Variants in LDLRAD3 observed in about 807,000 individuals in gnomAD.
LDLRAD3 encodes the protein low-density lipoprotein receptor class A domain-containing protein 3.
LDLRAD3 carries 20 observed loss-of-function variants against 29.4 expected under a neutral mutation model. That is an observed-to-expected ratio of 0.68 (90% CI 0.48 to 0.99). The LOEUF is 0.99. Among genes scored for constraint, LDLRAD3 ranks in the 50% least tolerant of loss-of-function variants. LDLRAD3 has a pLI of 0.00. For missense variants in LDLRAD3, 420 were observed against 454.3 expected (o/e 0.92, Z 0.69); for synonymous variants, 157 against 192.7 (o/e 0.81, Z 1.53).
intron 3 of LDLRAD3, among the ~76,000 whole-genome samples, chr11:36,088,578 T>C (rs1400241113): frequency 6.6e-6 from 1 of 152,180 alleles, no homozygotes; most frequent in Admixed American, 6.5e-5. Flanking sequence ...CTGGCATATT[T>C]CTGTAGCTCT....
chr11:36,050,206 A>G (rs1223745417), intron 2 of LDLRAD3, among the ~76,000 whole-genome samples: 3 of 152,192 alleles, frequency 2.0e-5, no homozygotes, highest in Non-Finnish European at 4.4e-5. Flanking sequence ...GTTTTCCCTC[A>G]GCTGTTTTGA....
intron 4 of LDLRAD3, among the ~76,000 whole-genome samples, chr11:36,108,138 A>G: frequency 6.6e-6 from 1 of 151,868 alleles, no homozygotes; most frequent in East Asian, 1.9e-4. Flanking sequence ...AACACAGTGA[A>G]ACCCCGTCTC....
chr11:35,944,062 A>G lies in LDLRAD3; in HGVS notation c.-37A>G, dbSNP rs1171251910. The G allele has an allele frequency of 7.4e-6, 8 of 1,074,872 alleles. No individual in the cohort carries two copies. Among genetic ancestry groups the G allele is most frequent in the South Asian group, 8.7e-5 (2 of 22,940 alleles). The allele number at this position is 1,074,872 out of a possible 1,614,324, so 66.6% of individuals were successfully genotyped here. Reference sequence around the variant, plus strand: ...GGGTCAGCGCCGAGGCCGCGGGGGCAGCAACGACGCCGGGCAGCGGGAGCG... The same window carrying G: ...GGGTCAGCGCCGAGGCCGCGGGGGCGGCAACGACGCCGGGCAGCGGGAGCG... On this transcript the variant is annotated 5_prime_UTR_variant, in exon 1 of 6. Transcript: ENST00000315571. This position sits in a 1 kb window ranked among gnomAD's most constrained non-coding sequence, Gnocchi z 4.9.
At chr11:36,215,258 A>C (rs935376723) in intron 4 of LDLRAD3, among the ~76,000 whole-genome samples, 5 of 152,118 alleles carry the variant, frequency 3.3e-5, no homozygotes, top group African/African-American at 1.2e-4. Flanking sequence ...AACGGGGATG[A>C]GATTATTCAG....
At position 36,200,363 on chromosome 11, in the gene LDLRAD3, G is replaced by A. The variant is rs143679705; in HGVS notation, c.455-26722G>A. 4.8e-3 allele frequency among the ~76,000 whole-genome samples: 727 copies of A among 152,148 alleles called. 10 individuals are homozygous for A. The highest frequency in any genetic ancestry group is 0.017 in the African/African-American group (702 of 41,506). On this transcript the variant is annotated intron_variant, in intron 4 of 5. Transcript: ENST00000315571. ...TCCGGTGTTCCCTCTTCACTGGGGC[G>A]CTAATCCTAGCATGGGGGTCCCACT...
intron 1 of LDLRAD3, among the ~76,000 whole-genome samples, chr11:35,966,237 C>T (rs1353890650): frequency 6.6e-6 from 1 of 152,042 alleles, no homozygotes; most frequent in East Asian, 1.9e-4. Context: ...CCAGCCTGGC[C>T]AATATGGTGA....
At chr11:36,113,349 G>C (rs369015747) in intron 4 of LDLRAD3, among the ~76,000 whole-genome samples, 36 of 152,120 alleles carry the variant, frequency 2.4e-4, no homozygotes, top group African/African-American at 8.0e-4. Context: ...GGAGCTCTCC[G>C]CTCCTCAGGA....
chr11:36,139,787 G>C (rs925538546), intron 4 of LDLRAD3, among the ~76,000 whole-genome samples: 2 of 152,276 alleles, frequency 1.3e-5, no homozygotes, highest in East Asian at 1.9e-4. Context: ...AAGGGATAGC[G>C]TGGGAGTGCC....
chr11:35,961,378 T>C (rs535816442), intron 1 of LDLRAD3, among the ~76,000 whole-genome samples: 2 of 152,334 alleles, frequency 1.3e-5, no homozygotes, highest in African/African-American at 2.4e-5. Flanking sequence ...TGAGGTCAGA[T>C]CCTGGCTGCG....
intron 2 of LDLRAD3, among the ~76,000 whole-genome samples, chr11:36,065,333 T>C (rs938804778): frequency 6.6e-6 from 1 of 152,230 alleles, no homozygotes; most frequent in African/African-American, 2.4e-5. Flanking sequence ...TAGCCACTTA[T>C]ACTCTCCTGA....
At chr11:35,993,935 C>T (rs186146461) in intron 1 of LDLRAD3, among the ~76,000 whole-genome samples, 2 of 152,212 alleles carry the variant, frequency 1.3e-5, no homozygotes, top group Non-Finnish European at 2.9e-5. Flanking sequence ...CCAGGAAGGA[C>T]GTTTTCCCAC....
intron 1 of LDLRAD3, among the ~76,000 whole-genome samples, chr11:35,953,816 A>C (rs1851167859): frequency 6.6e-6 from 1 of 152,214 alleles, no homozygotes; most frequent in African/African-American, 2.4e-5. Context: ...GCTAAGAGAA[A>C]CCAGAACAGA....
At chr11:36,222,961 G>A (rs1182476784) in intron 4 of LDLRAD3, among the ~76,000 whole-genome samples, 1 of 152,190 alleles carries the variant, frequency 6.6e-6, no homozygotes, top group Non-Finnish European at 1.5e-5. Flanking sequence ...ATGCTTGACA[G>A]TGGAGCACAA....
intron 1 of LDLRAD3, among the ~76,000 whole-genome samples, chr11:35,963,993 G>A (rs775747238): frequency 1.3e-5 from 2 of 152,130 alleles, no homozygotes; most frequent in Non-Finnish European, 2.9e-5. Flanking sequence ...CATTTCTTCC[G>A]GCCATGATGA....
chr11:35,945,733 G>A (rs565015710), intron 1 of LDLRAD3, among the ~76,000 whole-genome samples: 1 of 152,350 alleles, frequency 6.6e-6, no homozygotes, highest in East Asian at 1.9e-4. Flanking sequence ...TCCTGGGAGA[G>A]CCACTGTAGC....
chr11:36,168,751 C>T (rs1453349012), intron 4 of LDLRAD3, among the ~76,000 whole-genome samples: 1 of 151,982 alleles, frequency 6.6e-6, no homozygotes, highest in East Asian at 1.9e-4. Flanking sequence ...CGACCAAAAT[C>T]GGTGGTGAGG....
chr11:36,202,064 G>A lies in LDLRAD3; in HGVS notation c.455-25021G>A, dbSNP rs1855134786. 2.7e-5 allele frequency among the ~76,000 whole-genome samples: 3 copies of A among 109,540 alleles called. No homozygotes were observed. In the South Asian group the frequency reaches 8.7e-4, roughly 32 times the overall value. The allele number at this position is 109,540 out of a possible 152,430, so 71.9% of individuals were successfully genotyped here. A position where few individuals can be genotyped will look rare whatever the true frequency, so the allele number is the denominator to read the frequency against. ...GACATCTTTTTTTTTTTTTTTTTAA[G>A]ACGGAGTTTCACTCTTCTCGCCTAG... is the stretch of plus-strand genomic sequence containing the variant. On this transcript the variant is annotated intron_variant, in intron 4 of 5. Transcript: ENST00000315571.
chr11:35,951,770 G>C (rs897040960), intron 1 of LDLRAD3, among the ~76,000 whole-genome samples: 2 of 152,128 alleles, frequency 1.3e-5, no homozygotes, highest in African/African-American at 4.8e-5. Context: ...TAAATAGCAG[G>C]TCACTTCAAC....
At chr11:36,086,390 C>T (rs1257353672) in intron 3 of LDLRAD3, among the ~76,000 whole-genome samples, 2 of 151,600 alleles carry the variant, frequency 1.3e-5, no homozygotes, top group Non-Finnish European at 2.9e-5. Context: ...AGCGGGAGTG[C>T]TTATATATGT....
Sources: allele counts gnomAD v4.1 joint callset (sites outside exome capture counted in the v4.1 genomes callset), GRCh38; gene constraint gnomAD v4.1.1; non-coding constraint Gnocchi (gnomAD v3.1); transcripts MANE v1.5; gene names NCBI Gene and HGNC (gene_info 2026-07-23, HGNC 2026-07-21).